The following FOXJ2 variants were observed in gnomAD, a reference collection of about 807,000 sequenced individuals.
FOXJ2 encodes forkhead box J2.
A neutral mutation model predicts 68.4 loss-of-function variants in FOXJ2; 18 were observed. That is an observed-to-expected ratio of 0.26 (90% CI 0.18 to 0.39). The LOEUF (loss-of-function observed/expected upper bound fraction) is 0.39, where lower values mean the gene tolerates loss of function less well. Among genes scored for constraint, FOXJ2 ranks in the 10% least tolerant of loss-of-function variants. FOXJ2 has a pLI of 1.00. For missense variants in FOXJ2, 670 were observed against 726.5 expected, an observed-to-expected ratio of 0.92 and a Z score of 0.89; for synonymous variants, 274 against 263.2, an observed-to-expected ratio of 1.04 and a Z score of -0.40.
At position 8,040,490 on chromosome 12, in the gene FOXJ2, C is replaced by T. The variant is rs996102035; in HGVS notation, c.333+325C>T. On this transcript the variant is annotated intron_variant, in intron 2 of 10. Coordinates refer to ENST00000162391, the MANE Select transcript of FOXJ2 (RefSeq NM_018416.3). The surrounding 1 kb of genome is among the most constrained non-coding windows in gnomAD (Gnocchi z 4.0). ...GGGCTGGGGTGCAATGGCATGATCT[C>T]GGCTCACTGCAACTTCCACCTCCCA... Among the ~76,000 whole-genome samples the T allele has an allele frequency of 8.6e-5, 13 of 151,702 alleles. No individual in the cohort carries two copies. The highest frequency in any genetic ancestry group is 2.6e-4 in the Admixed American group (4 of 15,214).
At chr12:8,037,352 C>G (rs1018641494) in intron 1 of FOXJ2, among the ~76,000 whole-genome samples, 7 of 152,012 alleles carry the variant, frequency 4.6e-5, no homozygotes, top group African/African-American at 1.7e-4. Flanking sequence ...ATTTTGAGTG[C>G]TGGGGGCTGT....
chr12:8,047,660 T>C (rs180873467), intron 6 of FOXJ2, among the ~76,000 whole-genome samples: 130 of 152,220 alleles, frequency 8.5e-4, no homozygotes, highest in African/African-American at 3.0e-3. Flanking sequence ...TTTAGTAAGA[T>C]TTCAGTGGTC....
At chr12:8,049,727 T>C in intron 9 of FOXJ2, 156 bp downstream of exon 9, 1 of 636,550 alleles carries the variant, frequency 1.6e-6, no homozygotes, top group Non-Finnish European at 2.6e-6. Flanking sequence ...ATCTGTTGAA[T>C]CAGTGAAGTC....
chr12:8,049,172 G>A (rs1947079752), intron 8 of FOXJ2, among the ~76,000 whole-genome samples, 190 bp from the exon 9 acceptor site: 1 of 152,160 alleles, frequency 6.6e-6, no homozygotes. Flanking sequence ...GCAATTATAA[G>A]AATTTGGTAA....
rs1403291722 is a variant in FOXJ2 at position 8,039,822 on chromosome 12, C to A, written c.-11C>A. The stretch of plus-strand genomic sequence containing the variant: ...CTCCTCTTTGTCTTCTCTGCAGAAC[C>A]CAGAAGTACCATGGCTTCTGACCTA... On this transcript the variant is annotated 5_prime_UTR_variant, in exon 2 of 11. Coordinates refer to ENST00000162391, the MANE Select transcript of FOXJ2 (RefSeq NM_018416.3). 1.2e-6 allele frequency: 2 copies of A among 1,606,124 alleles called. No homozygotes were observed. The highest frequency in any genetic ancestry group is 2.2e-5 in the East Asian group (1 of 44,732).
rs538093373 is a variant in FOXJ2, at chr12:8,040,175, C to G, written c.333+10C>G. 1.0e-4 allele frequency: 169 copies of G among 1,612,268 alleles called. 3 individuals carry two copies. The Admixed American group carries it at 2.8e-3, about 27-fold the overall frequency. ...TGGCATTGGTTGGAAGGTGGGAATG[C>G]TTCTATAATCTTGGCTTAGGTTTAG... On this transcript the variant is annotated intron_variant, in intron 2 of 10. Coordinates refer to ENST00000162391, the MANE Select transcript of FOXJ2 (RefSeq NM_018416.3). The surrounding 1 kb of genome is among the most constrained non-coding windows in gnomAD (Gnocchi z 4.0).
Position 8,033,590 on chromosome 12 carries a change from G to C in FOXJ2, c.-258G>C, listed in dbSNP as rs903833989. 2 of 152,798 alleles carry C rather than the reference G, an allele frequency of 1.3e-5. No homozygotes were observed. Among genetic ancestry groups the C allele is most frequent in the African/African-American group, 4.8e-5 (2 of 41,402 alleles). 9.5% of individuals were successfully genotyped at this position (152,798 alleles called of 1,614,324 possible). ...CCTCCTCCCCCGGGTAACAAGCAGG[G>C]TGTGGGGGGTGTGCCACCTTCCCCA... is the stretch of plus-strand genomic sequence containing the variant. On this transcript the variant is annotated 5_prime_UTR_variant, in exon 1 of 11. Coordinates refer to ENST00000162391, the MANE Select transcript of FOXJ2 (RefSeq NM_018416.3).
chr12:8,048,640 G>T, intron 7 of FOXJ2, 57 bp from the exon 8 acceptor site: 1 of 1,486,382 alleles, frequency 6.7e-7, no homozygotes. Flanking sequence ...GGTATCAGTT[G>T]ACTGCTGTCT....
At chr12:8,042,519 T>C in intron 2 of FOXJ2, 139 bp from the exon 3 acceptor site, 1 of 597,118 alleles carries the variant, frequency 1.7e-6, no homozygotes, top group Non-Finnish European at 3.0e-6. Flanking sequence ...TCCATCGGTG[T>C]AGTTAAGAGG....
At chr12:8,049,955 G>C (rs749122083) in intron 9 of FOXJ2, 1 of 278,850 alleles carries the variant, frequency 3.6e-6, no homozygotes, top group South Asian at 1.3e-4. Flanking sequence ...GAGATGTCAT[G>C]ATTATGTTCC....
chr12:8,036,451 T>A (rs1372792116), intron 1 of FOXJ2, among the ~76,000 whole-genome samples: 1 of 152,204 alleles, frequency 6.6e-6, no homozygotes, highest in African/African-American at 2.4e-5. Flanking sequence ...TGATGGACCC[T>A]GCCCTTTGGC....
chr12:8,050,679 C>G, intron 10 of FOXJ2, 59 bp downstream of exon 10: 1 of 1,583,512 alleles, frequency 6.3e-7, no homozygotes, highest in Non-Finnish European at 8.7e-7. Context: ...CTTTGCTTTC[C>G]TTTGACTCTG....
At chr12:8,039,726 T>C in intron 1 of FOXJ2, 93 bp from the exon 2 acceptor site, 3 of 1,088,042 alleles carry the variant, frequency 2.8e-6, no homozygotes, top group South Asian at 3.0e-5. Context: ...CTTATGGGAA[T>C]GAGAGTAGGA....
At position 8,048,124 on chromosome 12, in the gene FOXJ2, G is replaced by T; in HGVS notation, c.1060G>T (p.Ala354Ser). Residue 354 changes from alanine (A) to serine (S), a missense_variant, in exon 7 of 11, where the codon GCG becomes TCG. Physicochemically the swap from Ala to Ser is moderately conservative, Grantham distance 99 (BLOSUM62 1). Coordinates refer to ENST00000162391, the MANE Select transcript of FOXJ2 (RefSeq NM_018416.3). ...CTPPGGKQAG[A>S]EGYGPPPVMA... ...CCCACCAGGGGGAAAGCAAGCTGGG[G>T]CGGAAGGCTATGGGCCTCCCCCTGT... 6.2e-7 allele frequency: 1 copy of T among 1,613,382 alleles called. No individual in the cohort carries two copies. Among genetic ancestry groups the T allele is most frequent in the Non-Finnish European group, 8.5e-7 (1 of 1,179,592 alleles).
chr12:8,046,735 C>T (rs1947041382), intron 6 of FOXJ2, among the ~76,000 whole-genome samples: 1 of 152,220 alleles, frequency 6.6e-6, no homozygotes, highest in East Asian at 1.9e-4. Context: ...TAGACCTTCT[C>T]ATTCTGTGCA....
chr12:8,044,025 A>G lies in FOXJ2; in HGVS notation c.552A>G (p.Ser184=), dbSNP rs964075448. The G allele has an allele frequency of 6.3e-7, 1 of 1,589,428 alleles. No individual in the cohort carries two copies. Among genetic ancestry groups the G allele is most frequent in the East Asian group, 2.2e-5 (1 of 44,664 alleles). The change falls in exon 5 of 11, where the codon TCA becomes TCG. Residue 184 remains serine, a synonymous_variant. Transcript: ENST00000162391. The part of the protein sequence containing the change: ...RGGVAGSGEA[S]LPPEGNPQMS... ...GCGTTGCAGGGAGTGGAGAAGCCTC[A>G]CTGCCTCCTGAGGGGAATCCGCAGA...
Position 8,038,835 on chromosome 12 carries a change from C to T in FOXJ2, c.-14-984C>T, listed in dbSNP as rs776319380. ...GGAGTTTGCATGGAGGTGCAGCGAG[C>T]GTGCCTGCCTGGCTGGGAAGGAAGG... On this transcript the variant is annotated intron_variant, in intron 1 of 10. Transcript: ENST00000162391. This position sits in a 1 kb window ranked among gnomAD's most constrained non-coding sequence, Gnocchi z 5.3. Among the ~76,000 whole-genome samples the T allele has an allele frequency of 7.9e-5, 12 of 152,266 alleles. No homozygotes were observed. Among genetic ancestry groups the T allele is most frequent in the African/African-American group, 2.2e-4 (9 of 41,538 alleles).
intron 2 of FOXJ2, among the ~76,000 whole-genome samples, chr12:8,041,609 C>T (rs116468166): frequency 0.014 from 2,119 of 151,848 alleles, 46 homozygotes; most frequent in African/African-American, 0.048. Flanking sequence ...AACCTGGGCT[C>T]AAGCAATCCT....
Position 8,050,533 on chromosome 12 carries a change from G to T in FOXJ2, c.1549G>T (p.Gly517Trp). 1 of 1,612,304 alleles carries T rather than the reference G, an allele frequency of 6.2e-7. No homozygotes were observed. Among genetic ancestry groups the T allele is most frequent in the Non-Finnish European group, 8.5e-7 (1 of 1,179,220 alleles). Residue 517 changes from glycine to tryptophan, a missense_variant, in exon 10 of 11, where the codon GGG (glycine) becomes TGG (tryptophan). By Grantham distance (184) the Gly-to-Trp change is radical. Transcript: ENST00000162391. ...TCTTGCTTTGGCAGTGAACTCTTAT[G>T]GGCACCCACAAGCTCCCCACCTCTA... ...ESAMSQVNSYGHPQAPHLYPG... is the reference protein window; with the variant it reads ...ESAMSQVNSYWHPQAPHLYPG...
Sources: gnomAD v4.1 joint callset for allele counts (sites outside exome capture counted in the v4.1 genomes callset) on GRCh38, gnomAD v4.1.1 for gene constraint, Gnocchi (gnomAD v3.1) non-coding constraint, MANE v1.5 for transcripts, NCBI Gene and HGNC (gene_info 2026-07-23, HGNC 2026-07-21) for gene names.